Variants in C3orf52 observed in about 807,000 individuals in gnomAD.
The protein encoded by C3orf52 is chromosome 3 open reading frame 52, also known as TPA-induced transmembrane protein.
C3orf52 carries 22 observed loss-of-function variants against 24.8 expected under a neutral mutation model. The ratio of observed to expected loss-of-function variants is 0.89; its 90% CI spans 0.63 to 1.27. C3orf52 has a LOEUF of 1.27. Ranked by LOEUF, C3orf52 falls within the 50% of genes most tolerant of loss-of-function variation. C3orf52 has a pLI of 0.00. For missense variants in C3orf52, 265 were observed against 260.7 expected (o/e 1.02, Z -0.11); for synonymous variants, 93 against 100.2 (o/e 0.93, Z 0.43).
chr3:112,130,401 C>G (rs1352483381), downstream of C3orf52: 4 of 1,532,084 alleles, frequency 2.6e-6, no homozygotes, highest in African/African-American at 5.5e-5. Context: ...ACTTCGTTCT[C>G]CTTGGGCAAG....
chr3:112,103,729 G>T (rs1395875699), intron 3 of C3orf52, among the ~76,000 whole-genome samples: 1 of 152,194 alleles, frequency 6.6e-6, no homozygotes, highest in African/African-American at 2.4e-5. Context: ...GTGAAGTGAT[G>T]CTCAGGATGA....
In C3orf52 at chr3:112,086,541, C is replaced by G; in HGVS notation, c.134C>G (p.Ala45Gly). 2 of 1,550,842 alleles carry G rather than the reference C, an allele frequency of 1.3e-6. No individual in the cohort carries two copies. The highest frequency in any genetic ancestry group is 1.7e-6 in the Non-Finnish European group (2 of 1,146,522). ...FPSLDEEVPP[A>G]EANKESPWSS... ...TCTTTGGACGAGGAGGTCCCCCCGG[C>G]CGAGGTAAGGTCCCCTTGGCGCTGG... Residue 45 changes from alanine to glycine, a missense_variant, in exon 1 of 6, where the codon GCC becomes GGC. By Grantham distance (60) the Ala-to-Gly change is moderately conservative (BLOSUM62 0). Coordinates refer to ENST00000264848, the MANE Select transcript of C3orf52 (RefSeq NM_024616.3).
At chr3:112,097,675 T>C (rs2073937806) in intron 2 of C3orf52, among the ~76,000 whole-genome samples, 1 of 152,218 alleles carries the variant, frequency 6.6e-6, no homozygotes, top group African/African-American at 2.4e-5. Flanking sequence ...GCCAAGGTCC[T>C]TTGGGGCAGG....
chr3:112,094,418 G>A (rs181193410), intron 2 of C3orf52, among the ~76,000 whole-genome samples: 18 of 152,218 alleles, frequency 1.2e-4, no homozygotes, highest in African/African-American at 4.3e-4. Context: ...ATTTCATGTT[G>A]TTGCTTATTT....
chr3:112,123,781 C>G (rs1339888932), intron 4 of C3orf52: 2 of 1,602,662 alleles, frequency 1.2e-6, no homozygotes, highest in Non-Finnish European at 1.7e-6. Context: ...TCCTGCTTGT[C>G]AAAGAAGAAC....
At chr3:112,131,386 G>T (rs1042037274), downstream of C3orf52, among the ~76,000 whole-genome samples, 1 of 152,238 alleles carries the variant, frequency 6.6e-6, no homozygotes, top group East Asian at 1.9e-4. Flanking sequence ...ACGGTTGGGG[G>T]GGTATGCTGA....
At chr3:112,104,756 T>C (rs1167986377) in intron 3 of C3orf52, among the ~76,000 whole-genome samples, 1 of 152,172 alleles carries the variant, frequency 6.6e-6, no homozygotes, top group Admixed American at 6.5e-5. Flanking sequence ...CAGTGTACAC[T>C]GTGCCCAATT....
Position 112,116,655 on chromosome 3 carries a change from AG to A in C3orf52, c.*11del. ...TTTTCTTTTTAGAATGAAGTGATGG[AG>A]GCTGGTCTCTGTCTGAAAGCAGTGC... is the stretch of plus-strand genomic sequence containing the variant. On this transcript the variant is annotated 3_prime_UTR_variant, in exon 6 of 6. Transcript: ENST00000264848. 6.3e-7 allele frequency: 1 copy of A among 1,591,700 alleles called. No individual in the cohort carries two copies. The highest frequency in any genetic ancestry group is 8.6e-7 in the Non-Finnish European group (1 of 1,166,930).
At chr3:112,127,498 A>T (rs1018735361) in intron 4 of C3orf52, among the ~76,000 whole-genome samples, 2 of 152,204 alleles carry the variant, frequency 1.3e-5, no homozygotes, top group African/African-American at 4.8e-5. Flanking sequence ...TATAAATATA[A>T]TGGAAGCCCA....
rs1451493667 is a variant in C3orf52, at chr3:112,113,104, G to T, written c.608G>T (p.Cys203Phe). ...TTCCGTGATCAGAATATACCTGGTT[G>T]TGAGAGTCTGGGGCTTGATCCAACA... is the stretch of plus-strand genomic sequence containing the variant. ...QDFRDQNIPG[C>F]ESLGLDPTSL... The change falls in exon 5 of 6, where the codon TGT becomes TTT. Residue 203 changes from cysteine to phenylalanine, a missense_variant. Cys to Phe is a radical substitution (Grantham distance 205). Coordinates refer to ENST00000264848, the MANE Select transcript of C3orf52 (RefSeq NM_024616.3). The T allele has an allele frequency of 1.2e-6, 2 of 1,611,338 alleles. No individual in the cohort carries two copies. Among genetic ancestry groups the T allele is most frequent in the Non-Finnish European group, 1.7e-6 (2 of 1,178,804 alleles).
intron 3 of C3orf52, among the ~76,000 whole-genome samples, chr3:112,107,656 C>T (rs192295099): frequency 1.2e-4 from 19 of 152,334 alleles, no homozygotes; most frequent in Non-Finnish European, 2.4e-4. Context: ...TCTCCTTTTA[C>T]TAGCACAGTG....
chr3:112,093,618 G>C, intron 2 of C3orf52, 129 bp downstream of exon 2: 1 of 895,278 alleles, frequency 1.1e-6, no homozygotes, highest in Non-Finnish European at 1.7e-6. Context: ...GACCGGCTTG[G>C]AATATATTGT....
At chr3:112,092,139 A>C (rs904402787) in intron 1 of C3orf52, among the ~76,000 whole-genome samples, 3 of 152,188 alleles carry the variant, frequency 2.0e-5, no homozygotes. Flanking sequence ...ACTGAGGCGC[A>C]GTTGCACCCT....
At chr3:112,107,329 A>G (rs2074034658) in intron 3 of C3orf52, among the ~76,000 whole-genome samples, 1 of 152,190 alleles carries the variant, frequency 6.6e-6, no homozygotes, top group African/African-American at 2.4e-5. Context: ...TTAGTGCTTG[A>G]AAAGATTCTC....
At chr3:112,104,338 TAAG>T (rs2074005339) in intron 3 of C3orf52, among the ~76,000 whole-genome samples, 3 of 152,328 alleles carry the variant, frequency 2.0e-5, no homozygotes, top group Admixed American at 2.0e-4. Context: ...GAAATTTTGA[TAAG>T]AAAATCTAGG....
At chr3:112,103,931 G>T (rs1291950130) in intron 3 of C3orf52, among the ~76,000 whole-genome samples, 1 of 152,200 alleles carries the variant, frequency 6.6e-6, no homozygotes, top group Admixed American at 6.5e-5. Flanking sequence ...TTAATCAGCA[G>T]ATTGACACAG....
chr3:112,130,415 TG>T (rs764224574), downstream of C3orf52: 4 of 1,590,542 alleles, frequency 2.5e-6, no homozygotes, highest in Non-Finnish European at 3.5e-6. Context: ...GGGCAAGGTC[TG>T]GGGGGTGTTT....
intron 1 of C3orf52, among the ~76,000 whole-genome samples, chr3:112,092,153 G>A (rs1338313839): frequency 6.6e-6 from 1 of 152,178 alleles, no homozygotes; most frequent in Non-Finnish European, 1.5e-5. Context: ...GCACCCTTTG[G>A]CCGAACTCCC....
chr3:112,090,908 G>A (rs1209857611), intron 1 of C3orf52, among the ~76,000 whole-genome samples: 1 of 152,192 alleles, frequency 6.6e-6, no homozygotes, highest in African/African-American at 2.4e-5. Flanking sequence ...TGTCCCCTGA[G>A]AAACTGAAGA....
Sources: gnomAD v4.1 joint callset for allele counts (sites outside exome capture counted in the v4.1 genomes callset) on GRCh38, gnomAD v4.1.1 for gene constraint, MANE v1.5 for transcripts, NCBI Gene and HGNC (gene_info 2026-07-23, HGNC 2026-07-21) for gene names.